Variants in GNB4 observed in about 807,000 individuals in gnomAD.
GNB4 encodes the protein guanine nucleotide-binding protein subunit beta-4.
A neutral mutation model predicts 45.2 loss-of-function variants in GNB4; 28 were observed. That is an observed-to-expected ratio of 0.62 (90% CI 0.46 to 0.85). The LOEUF (loss-of-function observed/expected upper bound fraction) is 0.85, where lower values mean the gene tolerates loss of function less well. GNB4 is among the 40% of genes least tolerant of loss of function. The pLI is 0.00. For missense variants in GNB4, 321 were observed against 425.4 expected, an observed-to-expected ratio of 0.75 and a Z score of 2.16; for synonymous variants, 132 against 143.7, an observed-to-expected ratio of 0.92 and a Z score of 0.58.
At chr3:179,517,372 C>T in the GNB4 span, among the ~76,000 whole-genome samples, 1 of 152,170 alleles carries the variant, frequency 6.6e-6, no homozygotes, top group African/African-American at 2.4e-5. Context: ...CCCTATCTCC[C>T]TTCGCTGACT....
At chr3:179,483,702 C>G in the GNB4 span, among the ~76,000 whole-genome samples, 5 of 152,086 alleles carry the variant, frequency 3.3e-5, no homozygotes, top group Admixed American at 6.6e-5. Context: ...TAAGACTGGA[C>G]AAAATTTTTA....
At chr3:179,431,960 C>A (rs955213545) in intron 1 of GNB4, among the ~76,000 whole-genome samples, 4 of 152,202 alleles carry the variant, frequency 2.6e-5, no homozygotes, top group African/African-American at 9.7e-5. Context: ...CCAAGTCCCT[C>A]CCTTAAAAAG....
At chr3:179,480,573 T>C in the GNB4 span, among the ~76,000 whole-genome samples, 1 of 152,046 alleles carries the variant, frequency 6.6e-6, no homozygotes, top group African/African-American at 2.4e-5. Context: ...ACAGCTCTTA[T>C]GTCATAGGAT....
intron 4 of GNB4, among the ~76,000 whole-genome samples, chr3:179,418,983 T>C (rs1450925948): frequency 6.6e-6 from 1 of 152,276 alleles, no homozygotes; most frequent in Non-Finnish European, 1.5e-5. Flanking sequence ...ACAAACACCT[T>C]TGTTTCATGT....
At chr3:179,418,482 A>G (rs1485028980) in intron 4 of GNB4, among the ~76,000 whole-genome samples, 4 of 142,920 alleles carry the variant, frequency 2.8e-5, no homozygotes, top group Non-Finnish European at 6.4e-5. Flanking sequence ...AAAAAAAAAA[A>G]AAAAAAGAAA....
At chr3:179,466,028 T>C in the GNB4 span, among the ~76,000 whole-genome samples, 19 of 97,178 alleles carry the variant, frequency 2.0e-4, no homozygotes, top group African/African-American at 7.7e-4. Context: ...TTTTTTTTTT[T>C]GAGATTGAGT....
chr3:179,445,667 TAAATAGG>T (rs1180066399), intron 1 of GNB4, among the ~76,000 whole-genome samples: 11 of 152,308 alleles, frequency 7.2e-5, no homozygotes, highest in African/African-American at 1.7e-4. Flanking sequence ...ATTAAAAATA[TAAATAGG>T]AGAGTAGTTA....
upstream of GNB4, among the ~76,000 whole-genome samples, chr3:179,455,178 G>T (rs747076665): frequency 1.2e-4 from 18 of 152,192 alleles, no homozygotes; most frequent in Non-Finnish European, 1.9e-4. Context: ...GCATCCCAGT[G>T]ACCTTAAGAG....
chr3:179,517,125 CA>C, the GNB4 span, among the ~76,000 whole-genome samples: 1 of 152,194 alleles, frequency 6.6e-6, no homozygotes, highest in Non-Finnish European at 1.5e-5. Flanking sequence ...TGCACATACA[CA>C]TCCAGATGGC....
chr3:179,505,072 G>A, the GNB4 span, among the ~76,000 whole-genome samples: 11 of 152,326 alleles, frequency 7.2e-5, no homozygotes, highest in African/African-American at 2.6e-4. Flanking sequence ...AGGTCCCAAA[G>A]TCAAGAGCAC....
At chr3:179,523,762 C>A in the GNB4 span, among the ~76,000 whole-genome samples, 3 of 151,744 alleles carry the variant, frequency 2.0e-5, no homozygotes, top group Non-Finnish European at 4.4e-5. Context: ...TAGAGGGGTC[C>A]CATACTTGTG....
the GNB4 span, among the ~76,000 whole-genome samples, chr3:179,462,977 C>T: frequency 6.6e-6 from 1 of 151,940 alleles, no homozygotes. Flanking sequence ...AGGGAGTAAA[C>T]AAGAGCTAAT....
upstream of GNB4, among the ~76,000 whole-genome samples, chr3:179,455,428 ACCC>A: frequency 6.6e-6 from 1 of 152,176 alleles, no homozygotes; most frequent in Non-Finnish European, 1.5e-5. Flanking sequence ...AGCAGATCTT[ACCC>A]TGCCAGCATT....
the GNB4 span, among the ~76,000 whole-genome samples, chr3:179,457,834 T>C: frequency 5.3e-5 from 8 of 152,118 alleles, no homozygotes; most frequent in Non-Finnish European, 1.2e-4. Flanking sequence ...TCCTTTCACT[T>C]CGAGGTAGTA....
At chr3:179,464,061 A>G in the GNB4 span, among the ~76,000 whole-genome samples, 1 of 152,174 alleles carries the variant, frequency 6.6e-6, no homozygotes, top group Non-Finnish European at 1.5e-5. Flanking sequence ...CATTTCACAT[A>G]TATATGTATA....
At chr3:179,428,957 G>C (rs895694583) in intron 1 of GNB4, among the ~76,000 whole-genome samples, 1 of 152,170 alleles carries the variant, frequency 6.6e-6, no homozygotes, top group Non-Finnish European at 1.5e-5. Context: ...TGCCCCTAAG[G>C]ATGGAGGTAC....
intron 1 of GNB4, chr3:179,437,923 T>C (rs1286377813): frequency 6.6e-6 from 1 of 151,852 alleles, no homozygotes; most frequent in Non-Finnish European, 1.5e-5. Context: ...AATTAAAAAA[T>C]TACCCAGGTG....
the GNB4 span, among the ~76,000 whole-genome samples, chr3:179,527,179 A>G: frequency 6.6e-6 from 1 of 152,170 alleles, no homozygotes; most frequent in Non-Finnish European, 1.5e-5. Flanking sequence ...GGGAAAGAAA[A>G]GCAGGATGCC....
chr3:179,423,090 CAGAA>C (rs1364198218), intron 2 of GNB4, among the ~76,000 whole-genome samples: 2 of 152,058 alleles, frequency 1.3e-5, no homozygotes, highest in Non-Finnish European at 2.9e-5. Context: ...CGTGCCCAGC[CAGAA>C]AGATTTTTAA....
Sources: gnomAD v4.1 joint callset for allele counts (sites outside exome capture counted in the v4.1 genomes callset) on GRCh38, gnomAD v4.1.1 for gene constraint, MANE v1.5 for transcripts, NCBI Gene and HGNC (gene_info 2026-07-23, HGNC 2026-07-21) for gene names.